Variants in LNX2 observed in about 807,000 individuals in gnomAD.
LNX2 encodes ligand of numb-protein X 2, also known as ligand of Numb protein X 2.
LNX2 carries 35 observed loss-of-function variants against 66.2 expected under a neutral mutation model. That is an observed-to-expected ratio of 0.53 (90% CI 0.40 to 0.70). The LOEUF (loss-of-function observed/expected upper bound fraction) is 0.70, where lower values mean the gene tolerates loss of function less well. Among genes scored for constraint, LNX2 ranks in the 30% least tolerant of loss-of-function variants. The probability of loss-of-function intolerance (pLI) is 0.00; values close to 1 mark genes in which losing one functional copy is unlikely to be tolerated. For synonymous variants in LNX2, 337 were observed against 315.6 expected (o/e 1.07, Z -0.72); for missense variants, 791 against 850.8 (o/e 0.93, Z 0.87).
At chr13:27,560,069 ACTT>A in intron 5 of LNX2, 84 bp from the exon 6 acceptor site, 1 of 1,262,026 alleles carries the variant, frequency 7.9e-7, no homozygotes, top group Non-Finnish European at 1.1e-6. Context: ...TTTTCAATGA[ACTT>A]CTTAATCACT....
intron 1 of LNX2, among the ~76,000 whole-genome samples, chr13:27,583,255 T>TGTGTGCGCGCGCGC (rs1555268514): frequency 6.8e-5 from 4 of 58,530 alleles, no homozygotes; most frequent in East Asian, 7.2e-4. Flanking sequence ...TGTGTGTGTG[T>TGTGTGCGCGCGCGC]GCGCGCGTCC....
Position 27,574,680 on chromosome 13 carries a change from AT to A in LNX2, c.408-5405del, listed in dbSNP as rs556124498. On this transcript the variant is annotated intron_variant, in intron 2 of 9. Coordinates refer to ENST00000316334, the MANE Select transcript of LNX2 (RefSeq NM_153371.4). Reference sequence around the variant, plus strand: ...ATGGCCAAAAATCTTCCCAAATTTGATGAAAAACATTTATCTACACATCCAA... The same window carrying A: ...ATGGCCAAAAATCTTCCCAAATTTGAGAAAAACATTTATCTACACATCCAA... 2.6e-5 allele frequency among the ~76,000 whole-genome samples: 4 copies of A among 152,314 alleles called. No homozygotes were observed. In the South Asian group the frequency reaches 8.3e-4, roughly 32 times the overall value.
intron 1 of LNX2, among the ~76,000 whole-genome samples, chr13:27,617,241 A>G (rs988402877): frequency 1.3e-5 from 2 of 152,214 alleles, no homozygotes; most frequent in African/African-American, 4.8e-5. Flanking sequence ...TACAGGGTCA[A>G]TTTAGGTAGG....
chr13:27,601,048 G>T (rs1955652838), intron 1 of LNX2, among the ~76,000 whole-genome samples: 1 of 152,202 alleles, frequency 6.6e-6, no homozygotes. Context: ...CATTTCCAGT[G>T]ATTTATTCCT....
chr13:27,585,676 T>A (rs762067103), intron 1 of LNX2, among the ~76,000 whole-genome samples: 16 of 152,062 alleles, frequency 1.1e-4, no homozygotes, highest in Admixed American at 2.0e-4. Flanking sequence ...AATACGGAAT[T>A]TCTGCAGATT....
rs1566124862 is a variant in LNX2, at chr13:27,583,253, T to TGCGCGCGC, written c.-100-1451_-100-1450insGCGCGCGC. On this transcript the variant is annotated intron_variant, in intron 1 of 9. Coordinates refer to ENST00000316334, the MANE Select transcript of LNX2 (RefSeq NM_153371.4). The stretch of plus-strand genomic sequence containing the variant: ...GTGTGTGTGTGTGTGTGTGTGTGTG[T>TGCGCGCGC]GTGCGCGCGTCCTCTCCAACATACT... Among the ~76,000 whole-genome samples the TGCGCGCGC allele has an allele frequency of 4.3e-5, 2 of 46,922 alleles. 1 individual carries two copies. The highest frequency in any genetic ancestry group is 7.5e-5 in the Non-Finnish European group (2 of 26,536). 30.8% of individuals were successfully genotyped at this position (46,922 alleles called of 152,430 possible).
intron 1 of LNX2, among the ~76,000 whole-genome samples, chr13:27,593,209 T>C (rs1955562634): frequency 6.6e-6 from 1 of 152,216 alleles, no homozygotes; most frequent in Non-Finnish European, 1.5e-5. Context: ...CCTGGGTTCA[T>C]CCCTTTGGAA....
chr13:27,556,371 C>G lies in LNX2; in HGVS notation c.1411G>C (p.Val471Leu). 6.2e-7 allele frequency: 1 copy of G among 1,613,908 alleles called. No individual in the cohort carries two copies. Among genetic ancestry groups the G allele is most frequent in the Non-Finnish European group, 8.5e-7 (1 of 1,179,936 alleles). Residue 471 changes from valine to leucine, a missense_variant, in exon 7 of 10, where the codon GTA becomes CTA. Val to Leu is a conservative substitution (Grantham distance 32). Coordinates refer to ENST00000316334, the MANE Select transcript of LNX2 (RefSeq NM_153371.4). ...CVTCQEKHIT[V>L]KKEPHESLGM... ...AGGGATTCATGTGGTTCCTTCTTTA[C>G]AGTAATGTGTTTTTCTTGGCATGTA...
At position 27,562,755 on chromosome 13, in the gene LNX2, C is replaced by T. The variant is rs1955152574; in HGVS notation, c.882G>A (p.Val294=). Residue 294 remains valine (V), a synonymous_variant, in exon 5 of 10, where the codon GTG becomes GTA. Coordinates refer to ENST00000316334, the MANE Select transcript of LNX2 (RefSeq NM_153371.4). The part of the protein sequence containing the change: ...LQVNNYNISN[V]SHNYARAVLS... ...GGACAGCTCGGGCATAGTTATGGGA[C>T]ACATTGCTGATATTGTAGTTGTTGA... is the stretch of plus-strand genomic sequence containing the variant. 4 of 1,612,664 alleles carry T rather than the reference C, an allele frequency of 2.5e-6. No homozygotes were observed. Among genetic ancestry groups the T allele is most frequent in the African/African-American group, 2.7e-5 (2 of 74,968 alleles).
In LNX2 at chr13:27,581,335, T is replaced by A. The variant is rs2138393802; in HGVS notation, c.369A>T (p.Val123=). 1 of 1,529,420 alleles carries A rather than the reference T, an allele frequency of 6.5e-7. No homozygotes were observed. The highest frequency in any genetic ancestry group is 8.8e-7 in the Non-Finnish European group (1 of 1,136,174). 94.7% of individuals were successfully genotyped at this position (1,529,420 alleles called of 1,614,324 possible). A position where few individuals can be genotyped will look rare whatever the true frequency, so the allele number is the denominator to read the frequency against. Residue 123 remains valine (V), a synonymous_variant, in exon 2 of 10, where the codon GTA becomes GTT. Coordinates refer to ENST00000316334, the MANE Select transcript of LNX2 (RefSeq NM_153371.4). ...LCPFSSVCKD[V]MQRCDLEAHL... The stretch of plus-strand genomic sequence containing the variant: ...GTGCCTCCAGATCACAACGTTGCAT[T>A]ACATCTTTGCACACTGAAGAAAATG...
Position 27,546,058 on chromosome 13 carries a change from A to C in LNX2, c.*2277T>G, listed in dbSNP as rs1002850010. On this transcript the variant is annotated 3_prime_UTR_variant, in exon 10 of 10. Transcript: ENST00000316334. ...GAACTAAAAATGAGAAAATCCAAAT[A>C]GTTCTATAGTAACAATAAATTATGA... 1.3e-5 allele frequency: 2 copies of C among 152,248 alleles called. No individual in the cohort carries two copies. Among genetic ancestry groups the C allele is most frequent in the African/African-American group, 4.8e-5 (2 of 41,476 alleles). 9.4% of individuals were successfully genotyped at this position (152,248 alleles called of 1,614,324 possible). A position where few individuals can be genotyped will look rare whatever the true frequency, so the allele number is the denominator to read the frequency against.
intron 2 of LNX2, 28 bp from the exon 3 acceptor site, chr13:27,569,304 A>G: frequency 6.3e-7 from 1 of 1,594,254 alleles, no homozygotes. Flanking sequence ...GATGGTTTCC[A>G]GATGATTTTG....
rs1443806995 is a variant in LNX2, at chr13:27,560,676, A to C, written c.1225-691T>G. Among the ~76,000 whole-genome samples, 3 of 151,524 alleles carry C rather than the reference A, an allele frequency of 2.0e-5. No homozygotes were observed. The East Asian group carries it at 5.8e-4, about 29-fold the overall frequency. ...TTTTAAATTTAGAGGCTTGTTAGCT[A>C]TCATATTTTGAACATATGTTTACAT... is the stretch of plus-strand genomic sequence containing the variant. On this transcript the variant is annotated intron_variant, in intron 5 of 9. Coordinates refer to ENST00000316334, the MANE Select transcript of LNX2 (RefSeq NM_153371.4).
chr13:27,583,113 C>G (rs1247150843), intron 1 of LNX2, among the ~76,000 whole-genome samples: 1 of 150,298 alleles, frequency 6.7e-6, no homozygotes, highest in East Asian at 2.0e-4. Context: ...TTATACATTT[C>G]AATTTCACCT....
intron 6 of LNX2, among the ~76,000 whole-genome samples, chr13:27,558,896 T>G (rs993791189): frequency 2.0e-5 from 3 of 152,146 alleles, no homozygotes; most frequent in African/African-American, 7.2e-5. Context: ...TTTCTTAGGG[T>G]ACCAGAGACA....
At chr13:27,583,879 G>C (rs955849211) in intron 1 of LNX2, among the ~76,000 whole-genome samples, 3 of 152,118 alleles carry the variant, frequency 2.0e-5, no homozygotes, top group African/African-American at 7.2e-5. Flanking sequence ...GAAAAGAACT[G>C]GCATCTAACT....
chr13:27,565,076 C>T (rs1343391318), intron 4 of LNX2, among the ~76,000 whole-genome samples: 1 of 152,116 alleles, frequency 6.6e-6, no homozygotes, highest in Non-Finnish European at 1.5e-5. Context: ...TATTAGTATA[C>T]AGGTTTCCAT....
intron 4 of LNX2, 132 bp from the exon 5 acceptor site, chr13:27,562,913 CATT>C: frequency 1.1e-6 from 1 of 881,792 alleles, no homozygotes; most frequent in Non-Finnish European, 1.7e-6. Context: ...GCTATACAAT[CATT>C]ATTTACAAAG....
chr13:27,619,501 G>A (rs1249775082), intron 1 of LNX2, among the ~76,000 whole-genome samples: 2 of 152,178 alleles, frequency 1.3e-5, no homozygotes, highest in Non-Finnish European at 2.9e-5. Flanking sequence ...ATTCTTAAAG[G>A]CAGTTCCAAT....
Sources: gnomAD v4.1 joint callset for allele counts (sites outside exome capture counted in the v4.1 genomes callset) on GRCh38, gnomAD v4.1.1 for gene constraint, MANE v1.5 for transcripts, NCBI Gene and HGNC (gene_info 2026-07-23, HGNC 2026-07-21) for gene names.